Variants in OSTF1 observed in about 807,000 individuals in gnomAD.
OSTF1 encodes osteoclast-stimulating factor 1.
OSTF1 carries 27 observed loss-of-function variants against 37.2 expected under a neutral mutation model. The observed-to-expected ratio is 0.73, with a 90% CI of 0.54 to 1.00. The LOEUF (loss-of-function observed/expected upper bound fraction) is 1.00, where lower values mean the gene tolerates loss of function less well. Among genes scored for constraint, OSTF1 ranks in the 50% least tolerant of loss-of-function variants. OSTF1 has a pLI of 0.00. For synonymous variants in OSTF1, 82 were observed against 89.2 expected (o/e 0.92, Z 0.46); for missense variants, 232 against 253.8 (o/e 0.91, Z 0.58).
At chr9:75,141,312 C>CAAAAAAAAAAAAAAAAAAAA (rs529293090) in intron 9 of OSTF1, among the ~76,000 whole-genome samples, 22 of 71,674 alleles carry the variant, frequency 3.1e-4, no homozygotes, top group Non-Finnish European at 4.5e-4. Flanking sequence ...AAAAGAAAAC[C>CAAAAAAAAAAAAAAAAAAAA]AAAAAAAAAA....
intron 1 of OSTF1, among the ~76,000 whole-genome samples, chr9:75,092,553 G>A (rs1010870010): frequency 2.0e-5 from 3 of 152,016 alleles, no homozygotes; most frequent in Non-Finnish European, 4.4e-5. Context: ...TTTTAAAAAA[G>A]CTTGTAAGTA....
At chr9:75,130,296 G>A (rs1010127774) in intron 3 of OSTF1, among the ~76,000 whole-genome samples, 1 of 152,176 alleles carries the variant, frequency 6.6e-6, no homozygotes, top group Non-Finnish European at 1.5e-5. Context: ...GTCTAAACTA[G>A]CGTAATTTGT....
intron 8 of OSTF1, among the ~76,000 whole-genome samples, chr9:75,139,061 T>TC (rs1825895719): frequency 2.1e-5 from 3 of 140,968 alleles, no homozygotes; most frequent in African/African-American, 5.7e-5. Context: ...TTTCTTTTTT[T>TC]TTTGAAACTG....
intron 1 of OSTF1, among the ~76,000 whole-genome samples, chr9:75,095,233 T>A (rs1825054180): frequency 6.6e-6 from 1 of 152,200 alleles, no homozygotes; most frequent in East Asian, 1.9e-4. Context: ...TAGGATAAAG[T>A]CCTGGCAGTG....
intron 2 of OSTF1, among the ~76,000 whole-genome samples, chr9:75,123,335 T>C (rs1038024484): frequency 6.6e-6 from 1 of 152,100 alleles, no homozygotes; most frequent in Non-Finnish European, 1.5e-5. Context: ...GGCAGGAGAA[T>C]GGCGTGAACC....
intron 2 of OSTF1, among the ~76,000 whole-genome samples, chr9:75,120,828 T>G (rs1169524849): frequency 1.3e-5 from 2 of 152,192 alleles, no homozygotes; most frequent in East Asian, 3.9e-4. Context: ...AACTATCCCA[T>G]CTAGATGTGA....
Position 75,088,659 on chromosome 9 carries a change from G to T in OSTF1, c.-34G>T. 6.2e-7 allele frequency: 1 copy of T among 1,601,030 alleles called. No individual in the cohort carries two copies. Among genetic ancestry groups the T allele is most frequent in the Non-Finnish European group, 8.5e-7 (1 of 1,173,678 alleles). On this transcript the variant is annotated 5_prime_UTR_variant, in exon 1 of 10. Transcript: ENST00000346234. ...GCGGGCAAGCGGTGGGCTTTTCGGC[G>T]GGGTCTTTAGGATTTGCAGCTCCAG...
At chr9:75,124,639 A>G (rs538136157) in intron 2 of OSTF1, among the ~76,000 whole-genome samples, 1 of 152,284 alleles carries the variant, frequency 6.6e-6, no homozygotes, top group East Asian at 1.9e-4. Context: ...AAACATTTTC[A>G]TCATCCCACA....
Position 75,143,374 on chromosome 9 carries a change from T to G in OSTF1, c.586+2442T>G, listed in dbSNP as rs189521201. Among the ~76,000 whole-genome samples the G allele has an allele frequency of 1.1e-4, 17 of 152,312 alleles. No individual in the cohort carries two copies. The East Asian group carries it at 2.3e-3, about 21-fold the overall frequency. On this transcript the variant is annotated intron_variant, in intron 9 of 9. Transcript: ENST00000346234. The stretch of plus-strand genomic sequence containing the variant: ...TTAAAAATTTGTGTATAATTTACAT[T>G]AAGTAAGTACATAAATCTTAAGCAT...
intron 1 of OSTF1, among the ~76,000 whole-genome samples, chr9:75,108,343 G>C (rs1052881542): frequency 2.6e-5 from 4 of 151,766 alleles, no homozygotes; most frequent in African/African-American, 9.7e-5. Flanking sequence ...TTTCTGATTT[G>C]CCTTTTGTGG....
intron 2 of OSTF1, among the ~76,000 whole-genome samples, chr9:75,118,499 C>T (rs1825527682): frequency 1.3e-5 from 2 of 151,976 alleles, no homozygotes; most frequent in Non-Finnish European, 2.9e-5. Flanking sequence ...GGTTTTGATA[C>T]AGGAGTGACT....
intron 8 of OSTF1, among the ~76,000 whole-genome samples, chr9:75,138,612 G>A (rs1825879673): frequency 6.6e-6 from 1 of 152,030 alleles, no homozygotes; most frequent in Non-Finnish European, 1.5e-5. Context: ...AGATATGCTG[G>A]GTTAAATAAA....
At chr9:75,143,966 CTTT>C (rs1825982969) in intron 9 of OSTF1, among the ~76,000 whole-genome samples, 1 of 152,192 alleles carries the variant, frequency 6.6e-6, no homozygotes, top group African/African-American at 2.4e-5. Flanking sequence ...ATCATCCTCT[CTTT>C]TTAATAGAAG....
chr9:75,094,765 C>T (rs1825043440), intron 1 of OSTF1, among the ~76,000 whole-genome samples: 1 of 152,160 alleles, frequency 6.6e-6, no homozygotes, highest in Admixed American at 6.5e-5. Context: ...ATGTACAGGC[C>T]AGGCACAGTG....
chr9:75,137,305 G>A (rs180820194), intron 7 of OSTF1, among the ~76,000 whole-genome samples: 2 of 151,950 alleles, frequency 1.3e-5, no homozygotes, highest in Admixed American at 6.5e-5. Context: ...TTTTCAGCTC[G>A]TGCTCCACCA....
At chr9:75,109,936 A>G (rs1825355335) in intron 1 of OSTF1, among the ~76,000 whole-genome samples, 1 of 152,220 alleles carries the variant, frequency 6.6e-6, no homozygotes. Context: ...TTAGTTTTAC[A>G]GCAAAATTGA....
chr9:75,146,664 T>TC lies in OSTF1; in HGVS notation c.587-16dup, dbSNP rs747914843. On this transcript the variant is annotated intron_variant, in intron 9 of 9. Transcript: ENST00000346234. The stretch of plus-strand genomic sequence containing the variant: ...TTATAATTTCCCTATTTTGCTTTTT[T>TC]CCCTCCTCTTTCTTTCAGATGCAGT... The TC allele has an allele frequency of 1.3e-6, 2 of 1,595,154 alleles. No homozygotes were observed. Among genetic ancestry groups the TC allele is most frequent in the South Asian group, 1.1e-5 (1 of 89,278 alleles).
At chr9:75,137,996 G>A (rs1484974441) in intron 8 of OSTF1, among the ~76,000 whole-genome samples, 1 of 152,228 alleles carries the variant, frequency 6.6e-6, no homozygotes, top group Non-Finnish European at 1.5e-5. Flanking sequence ...TCACAGGGAA[G>A]TCTTGACAGA....
At chr9:75,132,524 A>G (rs1825777020) in intron 5 of OSTF1, among the ~76,000 whole-genome samples, 2 of 152,314 alleles carry the variant, frequency 1.3e-5, no homozygotes, top group South Asian at 4.1e-4. Flanking sequence ...CACATCCTAC[A>G]GCACACAGGA....
Sources: allele counts gnomAD v4.1 joint callset (sites outside exome capture counted in the v4.1 genomes callset), GRCh38; gene constraint gnomAD v4.1.1; transcripts MANE v1.5; gene names NCBI Gene and HGNC (gene_info 2026-07-23, HGNC 2026-07-21).